Variants in MACROD2 observed in about 807,000 individuals in gnomAD.
The protein encoded by MACROD2 is ADP-ribose glycohydrolase MACROD2.
Under a neutral mutation model 70.4 loss-of-function variants are expected in MACROD2, and 36 were observed. The ratio of observed to expected loss-of-function variants is 0.51; its 90% CI spans 0.39 to 0.68. MACROD2 has a LOEUF of 0.68. Ranked by LOEUF, MACROD2 falls within the 30% of genes least tolerant of loss-of-function variation. The probability of loss-of-function intolerance (pLI) is 0.00; values close to 1 mark genes in which losing one functional copy is unlikely to be tolerated. For synonymous variants in MACROD2, 172 were observed against 178.8 expected (o/e 0.96, Z 0.30); for missense variants, 496 against 538.4 (o/e 0.92, Z 0.78).
intron 5 of MACROD2, among the ~76,000 whole-genome samples, chr20:14,746,710 A>T (rs1390314194): frequency 1.3e-5 from 2 of 152,192 alleles, no homozygotes; most frequent in African/African-American, 4.8e-5. Context: ...ATACTTTTCA[A>T]ACCATTAACG....
At chr20:14,886,927 G>A (rs770755345) in intron 5 of MACROD2, among the ~76,000 whole-genome samples, 80 of 152,088 alleles carry the variant, frequency 5.3e-4, no homozygotes, top group Non-Finnish European at 7.1e-4. Context: ...CGACATTGGC[G>A]TCTCTAGTGG....
chr20:15,931,885 T>G (rs965763585), intron 10 of MACROD2, among the ~76,000 whole-genome samples: 6 of 152,128 alleles, frequency 3.9e-5, no homozygotes, highest in African/African-American at 1.4e-4. Flanking sequence ...GCAGGTAAAA[T>G]GCTTCCCCAC....
intron 5 of MACROD2, among the ~76,000 whole-genome samples, chr20:14,795,308 G>A (rs183269014): frequency 1.3e-5 from 2 of 152,174 alleles, no homozygotes; most frequent in African/African-American, 2.4e-5. Context: ...GAAACAGAGA[G>A]AGTATGAGGA....
At chr20:14,334,659 G>T (rs1033261785) in intron 3 of MACROD2, among the ~76,000 whole-genome samples, 2 of 151,844 alleles carry the variant, frequency 1.3e-5, no homozygotes, top group South Asian at 2.1e-4. Flanking sequence ...GGCAAAAGGT[G>T]GGGGGTGGGA....
chr20:14,567,408 A>T (rs555567681), intron 4 of MACROD2, among the ~76,000 whole-genome samples: 120 of 152,042 alleles, frequency 7.9e-4, no homozygotes, highest in Non-Finnish European at 1.6e-3. Flanking sequence ...AAGAAAAACA[A>T]GTTATAGATT....
At position 14,162,733 on chromosome 20, in the gene MACROD2, C is replaced by CAGCCT. The variant is rs200774677; in HGVS notation, c.271+77006_271+77010dup. ...TATATTTTTTCCATTCCTTTCCTTTCAGCCTGTATGTGTCTTTACAGGAAA... is the reference window on the plus strand; with the variant it reads ...TATATTTTTTCCATTCCTTTCCTTTCAGCCTAGCCTGTATGTGTCTTTACAGGAAA... On this transcript the variant is annotated intron_variant, in intron 3 of 17. Coordinates refer to ENST00000684519, the MANE Select transcript of MACROD2 (RefSeq NM_001351661.2). Among the ~76,000 whole-genome samples, 1,348 of 152,006 alleles carry CAGCCT rather than the reference C, an allele frequency of 8.9e-3. 14 individuals are homozygous for CAGCCT. Among genetic ancestry groups the CAGCCT allele is most frequent in the Non-Finnish European group, 0.014 (930 of 67,948 alleles).
intron 2 of MACROD2, among the ~76,000 whole-genome samples, chr20:14,039,702 G>A (rs1050812396): frequency 2.6e-5 from 4 of 151,926 alleles, no homozygotes; most frequent in Non-Finnish European, 5.9e-5. Flanking sequence ...TGGGGAACCT[G>A]TATAGCCAGT....
chr20:15,159,231 G>T (rs62202853), intron 5 of MACROD2, among the ~76,000 whole-genome samples: 12,218 of 152,094 alleles, frequency 0.08, 601 homozygotes, highest in Middle Eastern at 0.14. Context: ...GGGGAAAAAT[G>T]TGTCTTTTGT....
intron 3 of MACROD2, among the ~76,000 whole-genome samples, chr20:14,464,886 T>G (rs2084422185): frequency 6.6e-6 from 1 of 152,166 alleles, no homozygotes; most frequent in African/African-American, 2.4e-5. Context: ...TTGATTGCAC[T>G]GTGGTCTGAG....
At chr20:14,309,339 A>G (rs770273482) in intron 3 of MACROD2, among the ~76,000 whole-genome samples, 3 of 152,176 alleles carry the variant, frequency 2.0e-5, no homozygotes, top group Non-Finnish European at 4.4e-5. Flanking sequence ...AAAAGAATAC[A>G]GTACTTTCTT....
At chr20:14,804,084 T>G (rs1297976997) in intron 5 of MACROD2, among the ~76,000 whole-genome samples, 10 of 152,102 alleles carry the variant, frequency 6.6e-5, no homozygotes, top group Non-Finnish European at 1.5e-4. Context: ...TATTTGTATT[T>G]CTTTATGTGT....
At chr20:15,761,246 A>G (rs972467454) in intron 8 of MACROD2, among the ~76,000 whole-genome samples, 3 of 152,184 alleles carry the variant, frequency 2.0e-5, no homozygotes, top group African/African-American at 7.2e-5. Context: ...GGGTTTTACC[A>G]TGTTGGCCAG....
chr20:14,184,520 T>C (rs1380092049), intron 3 of MACROD2, among the ~76,000 whole-genome samples: 1 of 152,010 alleles, frequency 6.6e-6, no homozygotes, highest in African/African-American at 2.4e-5. Context: ...TTTTTTTTTT[T>C]GGTTCCATAT....
intron 8 of MACROD2, among the ~76,000 whole-genome samples, chr20:15,749,960 A>G (rs1051824754): frequency 1.3e-5 from 2 of 152,144 alleles, no homozygotes; most frequent in Non-Finnish European, 2.9e-5. Context: ...CTTTTAAAAT[A>G]AGACCTCAAA....
chr20:15,156,970 G>T (rs770593949), intron 5 of MACROD2, among the ~76,000 whole-genome samples: 29 of 152,260 alleles, frequency 1.9e-4, no homozygotes, highest in Non-Finnish European at 3.2e-4. Context: ...TTCCTGTTGT[G>T]AGCTTTTATG....
chr20:15,065,805 T>C (rs1486032060), intron 5 of MACROD2, among the ~76,000 whole-genome samples: 1 of 152,236 alleles, frequency 6.6e-6, no homozygotes, highest in East Asian at 1.9e-4. Context: ...TTGCATTATA[T>C]TATAAAATAA....
intron 5 of MACROD2, among the ~76,000 whole-genome samples, chr20:14,774,559 A>G (rs1310383162): frequency 6.6e-6 from 1 of 152,006 alleles, no homozygotes; most frequent in African/African-American, 2.4e-5. Context: ...CTTCTCAGTT[A>G]TTTGAGAGGA....
chr20:15,991,562 G>C lies in MACROD2; in HGVS notation c.1153+4404G>C, dbSNP rs542539387. Among the ~76,000 whole-genome samples the C allele has an allele frequency of 1.2e-4, 18 of 152,276 alleles. No individual in the cohort carries two copies. In the South Asian group the frequency reaches 3.7e-3, roughly 32 times the overall value. On this transcript the variant is annotated intron_variant, in intron 15 of 17. Transcript: ENST00000684519. ...CCATCATATACAGACTGTGTTCTTGGCTATAAAGAATCATTGCTCAGGCAT... is the reference window on the plus strand; with the variant it reads ...CCATCATATACAGACTGTGTTCTTGCCTATAAAGAATCATTGCTCAGGCAT...
intron 9 of MACROD2, among the ~76,000 whole-genome samples, chr20:15,878,146 T>C (rs1053122764): frequency 1.3e-5 from 2 of 152,052 alleles, no homozygotes; most frequent in Non-Finnish European, 2.9e-5. Flanking sequence ...CTCAGCTGCA[T>C]GGTAGCTGAG....
Sources: gnomAD v4.1 joint callset for allele counts (sites outside exome capture counted in the v4.1 genomes callset) on GRCh38, gnomAD v4.1.1 for gene constraint, MANE v1.5 for transcripts, NCBI Gene and HGNC (gene_info 2026-07-23, HGNC 2026-07-21) for gene names.